The following FAT1 variants were observed in gnomAD, a reference collection of about 807,000 sequenced individuals.
FAT1 encodes FAT atypical cadherin 1.
FAT1 carries 171 observed loss-of-function variants against 329.8 expected under a neutral mutation model. That is an observed-to-expected ratio of 0.52 (90% CI 0.46 to 0.59). The LOEUF is 0.59. Ranked by LOEUF, FAT1 falls within the 20% of genes least tolerant of loss-of-function variation. The pLI is 0.00. For synonymous variants in FAT1, 2,233 were observed against 2,228.6 expected, an observed-to-expected ratio of 1.00 and a Z score of -0.06; for missense variants, 5,672 against 5,774.4, an observed-to-expected ratio of 0.98 and a Z score of 0.57.
intron 3 of FAT1, among the ~76,000 whole-genome samples, chr4:186,646,533 T>G (rs943183526): frequency 6.6e-6 from 1 of 152,212 alleles, no homozygotes; most frequent in African/African-American, 2.4e-5. Context: ...ATTTTAAATT[T>G]AAATAATTTA....
At chr4:186,691,844 A>G (rs1021746293) in intron 2 of FAT1, among the ~76,000 whole-genome samples, 3 of 152,192 alleles carry the variant, frequency 2.0e-5, no homozygotes, top group Non-Finnish European at 2.9e-5. Context: ...AACAGAAACA[A>G]GACGATTCGT....
chr4:186,706,882 T>G lies in FAT1; in HGVS notation c.2946A>C (p.Ala982=), dbSNP rs746731315. ...AGTCCAACTGCTGGACGATCCTAAC[T>G]GCTCCACTGAGTTTATCCACATCGA... ...GNFDVDKLSG[A]VRIVQQLDFE... is the part of the protein sequence containing the mutation. The change falls in exon 2 of 27, where the codon GCA becomes GCC. Residue 982 remains alanine, a synonymous_variant. Transcript: ENST00000441802. The G allele has an allele frequency of 6.2e-7, 1 of 1,613,856 alleles. No homozygotes were observed. The highest frequency in any genetic ancestry group is 8.5e-7 in the Non-Finnish European group (1 of 1,179,884).
At chr4:186,606,271 TGAG>T in intron 16 of FAT1, 58 bp from the exon 17 acceptor site, 1 of 1,593,088 alleles carries the variant, frequency 6.3e-7, no homozygotes, top group South Asian at 1.1e-5. Context: ...AGAGCTCCAA[TGAG>T]GAGTGTCCTC....
chr4:186,696,305 T>A (rs73873697), intron 2 of FAT1, among the ~76,000 whole-genome samples: 3,634 of 152,330 alleles, frequency 0.024, 135 homozygotes, highest in African/African-American at 0.082. Flanking sequence ...CCTTTTAAAA[T>A]TTTTTAGATC....
chr4:186,650,707 A>C (rs1461934413), intron 3 of FAT1, among the ~76,000 whole-genome samples: 2 of 152,210 alleles, frequency 1.3e-5, no homozygotes, highest in Non-Finnish European at 2.9e-5. Flanking sequence ...AAAAAGGCCT[A>C]ATACCAGGAA....
At chr4:186,717,104 T>G (rs1194302842) in intron 1 of FAT1, among the ~76,000 whole-genome samples, 1 of 152,200 alleles carries the variant, frequency 6.6e-6, no homozygotes, top group Non-Finnish European at 1.5e-5. Context: ...TTAAAAAGAA[T>G]GTTGAATGAT....
intron 3 of FAT1, among the ~76,000 whole-genome samples, chr4:186,642,919 G>A (rs956037903): frequency 2.0e-5 from 3 of 152,200 alleles, no homozygotes; most frequent in Non-Finnish European, 2.9e-5. Context: ...TAAGGAGGAC[G>A]TACTTTGGAG....
chr4:186,674,611 T>A (rs932441569), intron 2 of FAT1, among the ~76,000 whole-genome samples: 5 of 152,180 alleles, frequency 3.3e-5, no homozygotes, highest in Admixed American at 2.0e-4. Context: ...GCCAAACAGA[T>A]CCCTGTATAG....
At chr4:186,700,031 G>A (rs1744226639) in intron 2 of FAT1, among the ~76,000 whole-genome samples, 1 of 152,138 alleles carries the variant, frequency 6.6e-6, no homozygotes, top group Admixed American at 6.6e-5. Flanking sequence ...CCTGGCAAGG[G>A]GGACGGTGAG....
Position 186,621,463 on chromosome 4 carries a change from TCA to T in FAT1, c.5121_5122del (p.Asp1708CysfsTer3). On this transcript the variant is annotated frameshift_variant, in exon 10 of 27. Coordinates refer to ENST00000441802, the MANE Select transcript of FAT1 (RefSeq NM_005245.4). LOFTEE classifies it high-confidence loss of function. ...AGAATGTGGATTAATATCAAAAGCA[TCA>T]CCTGTATTTCCATCTTTTATTTCAT... is the stretch of plus-strand genomic sequence containing the variant. 1 of 1,614,048 alleles carries T rather than the reference TCA, an allele frequency of 6.2e-7. No individual in the cohort carries two copies. Among genetic ancestry groups the T allele is most frequent in the Non-Finnish European group, 8.5e-7 (1 of 1,179,896 alleles).
At position 186,708,919 on chromosome 4, in the gene FAT1, A is replaced by G. The variant is rs2126700081; in HGVS notation, c.909T>C (p.Phe303=). ...SIVAGDLLQQ[F]RTVRSFPGSK... ...TCCCTGGAAAGGACCTCACTGTTCT[A>G]AACTGCTGGAGAAGGTCACCTGCCA... The change falls in exon 2 of 27, where the codon TTT becomes TTC. Residue 303 remains phenylalanine, a synonymous_variant. Transcript: ENST00000441802. 1 of 1,613,966 alleles carries G rather than the reference A, an allele frequency of 6.2e-7. No individual in the cohort carries two copies. The highest frequency in any genetic ancestry group is 8.5e-7 in the Non-Finnish European group (1 of 1,179,874).
chr4:186,651,015 A>C (rs1474549023), intron 3 of FAT1, among the ~76,000 whole-genome samples: 1 of 73,132 alleles, frequency 1.4e-5, no homozygotes, highest in Non-Finnish European at 2.8e-5. Flanking sequence ...TTTACAATGA[A>C]GTATTAAATA....
Position 186,588,956 on chromosome 4 carries a change from A to ATGTCTT in FAT1, c.13402_13403insAAGACA (p.Asp4467_Met4468insLysAsp). 1.9e-6 allele frequency: 3 copies of ATGTCTT among 1,613,978 alleles called. No individual in the cohort carries two copies. The highest frequency in any genetic ancestry group is 2.5e-6 in the Non-Finnish European group (3 of 1,179,882). On this transcript the variant is annotated inframe_insertion, in exon 27 of 27. Transcript: ENST00000441802. The stretch of plus-strand genomic sequence containing the variant: ...AGAACCCAAGCTACCCGCGGCAGGC[A>ATGTCTT]TGTCTCTAGGAGGGTGGATGGATTC...
In FAT1 at chr4:186,618,388, A is replaced by G. The variant is rs2126494430; in HGVS notation, c.8198T>C (p.Val2733Ala). The part of the protein sequence containing the change: ...DLIRAEHSGT[V>A]LYSLVKGNTP... ...ATTCCCTTTGACCAGGCTGTAAAGAACAGTCCCACTATGTTCTGCTCGGAT... is the reference window on the plus strand; with the variant it reads ...ATTCCCTTTGACCAGGCTGTAAAGAGCAGTCCCACTATGTTCTGCTCGGAT... Residue 2733 changes from valine to alanine, a missense_variant, in exon 10 of 27, where the codon GTT becomes GCT. Val to Ala is a moderately conservative substitution (Grantham distance 64). This residue lies in a region of FAT1 where 3,966 missense variants were observed against 3,915.2 expected (regional missense o/e 1.01). Coordinates refer to ENST00000441802, the MANE Select transcript of FAT1 (RefSeq NM_005245.4). The G allele has an allele frequency of 6.2e-7, 1 of 1,614,058 alleles. No homozygotes were observed.
rs535317218 is a variant in FAT1, at chr4:186,589,170, T to C, written c.13189A>G (p.Ile4397Val). ...DWMPSVPLPD[I>V]QEFPNYEVID... ...ACCTCATAGTTGGGGAACTCTTGTA[T>C]GTCCGGCAGAGGAACGCTTGGCATC... Residue 4397 changes from isoleucine to valine, a missense_variant, in exon 27 of 27, where the codon ATA becomes GTA. By Grantham distance (29) the Ile-to-Val change is conservative. Coordinates refer to ENST00000441802, the MANE Select transcript of FAT1 (RefSeq NM_005245.4). 1.9e-6 allele frequency: 3 copies of C among 1,613,766 alleles called. No homozygotes were observed. The highest frequency in any genetic ancestry group is 2.5e-6 in the Non-Finnish European group (3 of 1,179,814).
In FAT1 at chr4:186,588,885, T is replaced by G. The variant is rs1415943513; in HGVS notation, c.13474A>C (p.Asn4492His). 3 of 1,613,946 alleles carry G rather than the reference T, an allele frequency of 1.9e-6. No homozygotes were observed. Among genetic ancestry groups the G allele is most frequent in the Admixed American group, 3.3e-5 (2 of 60,028 alleles). ...QRFNLNQYLP[N>H]FYPLDMSEPQ... is the part of the protein sequence containing the mutation. Reference sequence around the variant, plus strand: ...TCAGACATATCGAGGGGATAAAAATTGGGCAAATACTGATTCAAGTTGAAC... The same window carrying G: ...TCAGACATATCGAGGGGATAAAAATGGGGCAAATACTGATTCAAGTTGAAC... Residue 4492 changes from asparagine to histidine, a missense_variant, in exon 27 of 27, where the codon AAT becomes CAT. By Grantham distance (68) the Asn-to-His change is moderately conservative (BLOSUM62 1). Around this residue, in one of 2 missense-constraint regions of FAT1, gnomAD observed 1,706 missense variants for 1,859.1 expected, o/e 0.92. Coordinates refer to ENST00000441802, the MANE Select transcript of FAT1 (RefSeq NM_005245.4).
At chr4:186,711,444 C>A (rs1456786847) in intron 1 of FAT1, among the ~76,000 whole-genome samples, 1 of 152,100 alleles carries the variant, frequency 6.6e-6, no homozygotes, top group Non-Finnish European at 1.5e-5. Context: ...TCCATTTAGT[C>A]AACAGTTCTA....
In FAT1 at chr4:186,606,148, C is replaced by T. The variant is rs766192362; in HGVS notation, c.10272G>A (p.Thr3424=). 1.2e-5 allele frequency: 19 copies of T among 1,613,156 alleles called. No individual in the cohort carries two copies. Among genetic ancestry groups the T allele is most frequent in the East Asian group, 6.7e-5 (3 of 44,812 alleles). The part of the protein sequence containing the change: ...DNGSPPRVNT[T]TVNIDVSDVN... ...CATCGGACACATCGATGTTCACGGT[C>T]GTCGTGTTGACTCTGGGTGGACTGC... The change falls in exon 17 of 27, where the codon ACG becomes ACA. Residue 3424 remains threonine, a synonymous_variant. Transcript: ENST00000441802.
In FAT1 at chr4:186,707,764, C is replaced by A. The variant is rs1744708353; in HGVS notation, c.2064G>T (p.Leu688=). ...GVAKMLAEKL[L]QANKLHNQGE... The stretch of plus-strand genomic sequence containing the variant: ...CCTGGTTGTGTAATTTATTTGCCTG[C>A]AGGAGCTTCTCTGCCAGCATTTTGG... Residue 688 remains leucine, a synonymous_variant, in exon 2 of 27, where the codon CTG becomes CTT. Transcript: ENST00000441802. 1.2e-6 allele frequency: 2 copies of A among 1,613,716 alleles called. No individual in the cohort carries two copies. The highest frequency in any genetic ancestry group is 8.5e-7 in the Non-Finnish European group (1 of 1,179,898).
Sources: allele counts gnomAD v4.1 joint callset (sites outside exome capture counted in the v4.1 genomes callset), GRCh38; gene constraint gnomAD v4.1.1; regional missense constraint gnomAD v4.1.1; transcripts MANE v1.5; gene names NCBI Gene and HGNC (gene_info 2026-07-23, HGNC 2026-07-21).